DNAH14: variants seen among roughly 807,000 people sequenced by gnomAD.
The protein encoded by DNAH14 is axonemal beta dynein heavy chain 14.
In DNAH14, 478 loss-of-function variants were observed where a neutral mutation model predicts 520.9. The ratio of observed to expected loss-of-function variants is 0.92; its 90% CI spans 0.85 to 0.99. DNAH14 has a LOEUF of 0.99. Among genes scored for constraint, DNAH14 ranks in the 50% least tolerant of loss-of-function variants. The pLI is 0.00. For missense variants in DNAH14, 4,831 were observed against 5,234.5 expected, an observed-to-expected ratio of 0.92 and a Z score of 2.38; for synonymous variants, 1,581 against 1,757.2, an observed-to-expected ratio of 0.90 and a Z score of 2.51.
intron 42 of DNAH14, among the ~76,000 whole-genome samples, chr1:225,235,948 C>A (rs1388902680): frequency 1.3e-5 from 2 of 152,008 alleles, no homozygotes; most frequent in Middle Eastern, 3.4e-3. Flanking sequence ...TTAGTCTAAG[C>A]AGTCTATCTA....
rs765115638 is a variant in DNAH14 at position 225,264,189 on chromosome 1, C to T, written c.7158-8C>T. Reference sequence around the variant, plus strand: ...CTAATTTTGAATCCTTAAAATATTTCATTCCAGTAGCCTAAAACAGAATAT... The same window carrying T: ...CTAATTTTGAATCCTTAAAATATTTTATTCCAGTAGCCTAAAACAGAATAT... On this transcript the variant is annotated splice_region_variant and splice_polypyrimidine_tract_variant and intron_variant, in intron 46 of 85. Transcript: ENST00000682510. 38 of 1,546,764 alleles carry T rather than the reference C, an allele frequency of 2.5e-5. No homozygotes were observed. In the African/African-American group the frequency reaches 4.7e-4, roughly 19 times the overall value.
Position 225,023,823 on chromosome 1 carries a change from G to A in DNAH14, c.1316G>A (p.Gly439Glu). Reference sequence around the variant, plus strand: ...TTGGAATTATTTAATGGTTCTGCTGGAATGCCATTTTCAGTGGAAAAAAAG... The same window carrying A: ...TTGGAATTATTTAATGGTTCTGCTGAAATGCCATTTTCAGTGGAAAAAAAG... ...LLLELFNGSA[G>E]MPFSVEKKNE... Residue 439 changes from glycine to glutamate, a missense_variant, in exon 11 of 86, where the codon GGA becomes GAA. Transcript: ENST00000682510. 1.9e-6 allele frequency: 3 copies of A among 1,539,576 alleles called. No individual in the cohort carries two copies. Among genetic ancestry groups the A allele is most frequent in the Non-Finnish European group, 1.8e-6 (2 of 1,141,196 alleles).
chr1:225,173,557 GA>G (rs2082952039), intron 36 of DNAH14, among the ~76,000 whole-genome samples: 1 of 152,192 alleles, frequency 6.6e-6, no homozygotes, highest in African/African-American at 2.4e-5. Flanking sequence ...AAACCACAAT[GA>G]GATACCATTT....
intron 17 of DNAH14, among the ~76,000 whole-genome samples, chr1:225,065,507 A>G (rs1203233262): frequency 2.0e-5 from 3 of 151,358 alleles, no homozygotes; most frequent in Admixed American, 6.6e-5. Context: ...CCCTTTGACC[A>G]TCATTCCATT....
chr1:225,368,063 A>T (rs1450932431), intron 77 of DNAH14, 31 bp downstream of exon 77: 3 of 1,476,460 alleles, frequency 2.0e-6, no homozygotes, highest in Admixed American at 2.1e-5. Flanking sequence ...CAAACAACAA[A>T]TAAGTAACAA....
At chr1:225,173,732 C>A (rs1020960485) in intron 36 of DNAH14, among the ~76,000 whole-genome samples, 1 of 152,148 alleles carries the variant, frequency 6.6e-6, no homozygotes, top group Admixed American at 6.5e-5. Context: ...ACTAGAAATA[C>A]CATTTGACCC....
chr1:224,994,212 T>C (rs1271666417), intron 8 of DNAH14, among the ~76,000 whole-genome samples: 1 of 152,002 alleles, frequency 6.6e-6, no homozygotes, highest in African/African-American at 2.4e-5. Context: ...TCTAAAGTGT[T>C]AAGTTCAATT....
At chr1:225,098,156 G>A (rs957477717) in intron 22 of DNAH14, among the ~76,000 whole-genome samples, 4 of 151,662 alleles carry the variant, frequency 2.6e-5, no homozygotes, top group African/African-American at 7.3e-5. Flanking sequence ...GTGACTGCAC[G>A]ATGGCACTCC....
At chr1:224,931,106 T>A (rs1248124746) in intron 1 of DNAH14, among the ~76,000 whole-genome samples, 1 of 152,328 alleles carries the variant, frequency 6.6e-6, no homozygotes, top group African/African-American at 2.4e-5. Flanking sequence ...GTGATACTGA[T>A]CCTGTCTATG....
chr1:225,174,615 G>T (rs534748192), intron 36 of DNAH14, among the ~76,000 whole-genome samples: 1 of 151,704 alleles, frequency 6.6e-6, no homozygotes, highest in South Asian at 2.1e-4. Context: ...CATGTCATCT[G>T]CAAACAGGAC....
intron 55 of DNAH14, among the ~76,000 whole-genome samples, chr1:225,294,201 G>T (rs979762419): frequency 2.6e-5 from 4 of 151,628 alleles, no homozygotes; most frequent in South Asian, 2.1e-4. Context: ...GATGATTGTG[G>T]TTTTTTTTCT....
chr1:225,286,488 C>T (rs1009407813), intron 54 of DNAH14, among the ~76,000 whole-genome samples: 6 of 152,042 alleles, frequency 3.9e-5, no homozygotes, highest in Non-Finnish European at 5.9e-5. Context: ...TGAAAAGGTG[C>T]TCAATATCAG....
rs1028327227 is a variant in DNAH14 at position 225,206,866 on chromosome 1, T to G, written c.6187-102T>G. The G allele has an allele frequency of 3.8e-6, 4 of 1,043,112 alleles. No individual in the cohort carries two copies. In the Admixed American group the frequency reaches 1.0e-4, roughly 27 times the overall value. 64.6% of individuals were successfully genotyped at this position (1,043,112 alleles called of 1,614,324 possible). ...TAATGAATGACAATTCTAAGTCATA[T>G]TTATGAGAGGGCAGTGGTGAAGTAA... On this transcript the variant is annotated intron_variant, in intron 40 of 85. Coordinates refer to ENST00000682510, the MANE Select transcript of DNAH14 (RefSeq NM_001367479.1).
At chr1:225,370,504 A>T (rs1344810697) in intron 77 of DNAH14, among the ~76,000 whole-genome samples, 1 of 152,086 alleles carries the variant, frequency 6.6e-6, no homozygotes, top group Non-Finnish European at 1.5e-5. Flanking sequence ...TGGGTGACAG[A>T]GTGACACCCT....
At chr1:224,969,540 A>G (rs2061381953) in intron 7 of DNAH14, 1 of 174,562 alleles carries the variant, frequency 5.7e-6, no homozygotes, top group South Asian at 2.0e-4. Flanking sequence ...CATTAAATGG[A>G]AGTAGATCAT....
At chr1:225,025,798 A>G (rs1406527249) in intron 11 of DNAH14, among the ~76,000 whole-genome samples, 1 of 152,194 alleles carries the variant, frequency 6.6e-6, no homozygotes, top group East Asian at 1.9e-4. Flanking sequence ...TTGTTTGAGA[A>G]TAAACACAGT....
Position 225,332,934 on chromosome 1 carries a change from A to T in DNAH14, c.9865-357A>T, listed in dbSNP as rs534577700. 7.2e-5 allele frequency among the ~76,000 whole-genome samples: 11 copies of T among 152,006 alleles called. No homozygotes were observed. In the East Asian group the frequency reaches 1.2e-3, roughly 16 times the overall value. Reference sequence around the variant, plus strand: ...GAGGAGGATCACATGAGCCCAAGAGATCAAGGCTGCAGTGAGCTGTGATTG... The same window carrying T: ...GAGGAGGATCACATGAGCCCAAGAGTTCAAGGCTGCAGTGAGCTGTGATTG... On this transcript the variant is annotated intron_variant, in intron 65 of 85. Coordinates refer to ENST00000682510, the MANE Select transcript of DNAH14 (RefSeq NM_001367479.1).
chr1:225,384,507 A>AAG (rs1235631062), intron 81 of DNAH14, among the ~76,000 whole-genome samples: 4 of 152,346 alleles, frequency 2.6e-5, no homozygotes, highest in East Asian at 3.8e-4. Context: ...GAAAAGAGAG[A>AAG]AGAATCAAAT....
At chr1:225,104,287 C>T (rs2075811341) in intron 23 of DNAH14, among the ~76,000 whole-genome samples, 2 of 152,062 alleles carry the variant, frequency 1.3e-5, no homozygotes, top group Admixed American at 1.3e-4. Context: ...TTCGGTTTAC[C>T]AGTATTTTAT....
Sources: allele counts gnomAD v4.1 joint callset (sites outside exome capture counted in the v4.1 genomes callset), GRCh38; gene constraint gnomAD v4.1.1; transcripts MANE v1.5; gene names NCBI Gene and HGNC (gene_info 2026-07-23, HGNC 2026-07-21).